The following SLC22A15 variants were observed in gnomAD, a reference collection of about 807,000 sequenced individuals.
SLC22A15 encodes the protein solute carrier family 22 member 15, also known as flipt 1.
Under a neutral mutation model 62.7 loss-of-function variants are expected in SLC22A15, and 45 were observed. The ratio of observed to expected loss-of-function variants is 0.72; its 90% confidence interval spans 0.56 to 0.92. The LOEUF is 0.92. SLC22A15 is among the 40% of genes least tolerant of loss of function. The pLI, the probability that SLC22A15 is intolerant of heterozygous loss-of-function variation, is 0.00. For missense variants in SLC22A15, 622 were observed against 665.6 expected (o/e 0.93, Z 0.72); for synonymous variants, 264 against 267.0 (o/e 0.99, Z 0.11).
chr1:116,066,990 C>T, intron 11 of SLC22A15, 29 bp from the exon 12 acceptor site: 1 of 1,551,614 alleles, frequency 6.4e-7, no homozygotes, highest in East Asian at 2.3e-5. Context: ...AACATCATTT[C>T]ACTGCCCTTT....
chr1:116,067,180 A>G lies in SLC22A15; in HGVS notation c.*72A>G. 2 of 1,143,376 alleles carry G rather than the reference A, an allele frequency of 1.7e-6. No homozygotes were observed. Among genetic ancestry groups the G allele is most frequent in the Non-Finnish European group, 2.6e-6 (2 of 772,662 alleles). 70.8% of individuals were successfully genotyped at this position (1,143,376 alleles called of 1,614,324 possible). The stretch of plus-strand genomic sequence containing the variant: ...TCTGGCTAAGGCAGGTTCTTCCATG[A>G]CTCCTAAGAGAGTTGTAAAAATAGA... On this transcript the variant is annotated 3_prime_UTR_variant, in exon 12 of 12. Transcript: ENST00000369503.
chr1:116,032,622 A>T, intron 6 of SLC22A15: 3 of 985,408 alleles, frequency 3.0e-6, no homozygotes, highest in Non-Finnish European at 1.2e-6. Flanking sequence ...GGGCCATGTT[A>T]ACCAACTGCT....
intron 1 of SLC22A15, among the ~76,000 whole-genome samples, chr1:115,989,356 T>C (rs1223448244): frequency 6.6e-6 from 1 of 152,158 alleles, no homozygotes; most frequent in African/African-American, 2.4e-5. Context: ...TATTTTTGAG[T>C]TGTTTTCTCC....
chr1:116,035,908 G>A (rs1452903315), intron 7 of SLC22A15, among the ~76,000 whole-genome samples: 1 of 152,158 alleles, frequency 6.6e-6, no homozygotes, highest in Non-Finnish European at 1.5e-5. Flanking sequence ...GTTACTTAGT[G>A]CCTGACCAGG....
At chr1:116,061,293 G>A (rs1400715471) in intron 8 of SLC22A15, among the ~76,000 whole-genome samples, 1 of 152,188 alleles carries the variant, frequency 6.6e-6, no homozygotes, top group Non-Finnish European at 1.5e-5. Context: ...AGGGGCAGTG[G>A]AGGTTGAAGG....
rs1431204086 is a variant in SLC22A15, at chr1:116,055,631, A to T, written c.1172-7131A>T. 4.0e-5 allele frequency among the ~76,000 whole-genome samples: 6 copies of T among 151,640 alleles called. No homozygotes were observed. In the East Asian group the frequency reaches 7.8e-4, roughly 20 times the overall value. ...AGAGAATTTTAGACCAATATCCTTG[A>T]TGAACATTGATGCAAAAATCCTCAG... On this transcript the variant is annotated intron_variant, in intron 8 of 11. Coordinates refer to ENST00000369503, the MANE Select transcript of SLC22A15 (RefSeq NM_018420.3).
chr1:115,989,546 C>T (rs1369693337), intron 1 of SLC22A15, among the ~76,000 whole-genome samples: 2 of 151,970 alleles, frequency 1.3e-5, no homozygotes, highest in Non-Finnish European at 2.9e-5. Context: ...TTTGGGAGGC[C>T]GAGGCAGGTG....
chr1:116,018,600 T>C (rs1004438018), intron 2 of SLC22A15, among the ~76,000 whole-genome samples: 1 of 137,142 alleles, frequency 7.3e-6, no homozygotes, highest in Non-Finnish European at 1.6e-5. Context: ...CTCCTAACCT[T>C]GTGATCTGCC....
intron 2 of SLC22A15, among the ~76,000 whole-genome samples, chr1:116,008,617 C>T (rs1203237884): frequency 6.6e-6 from 1 of 152,228 alleles, no homozygotes; most frequent in African/African-American, 2.4e-5. Context: ...TTCATTTCTT[C>T]CCCAACACAT....
At chr1:116,051,697 A>G (rs1302410027) in intron 8 of SLC22A15, among the ~76,000 whole-genome samples, 1 of 152,218 alleles carries the variant, frequency 6.6e-6, no homozygotes, top group Non-Finnish European at 1.5e-5. Context: ...TGCAATAAAA[A>G]CAAAGATAAA....
At chr1:116,066,190 T>A (rs1658492929) in intron 10 of SLC22A15, among the ~76,000 whole-genome samples, 2 of 152,192 alleles carry the variant, frequency 1.3e-5, no homozygotes, top group South Asian at 4.1e-4. Context: ...AGATGTCCTG[T>A]CAGCTCTGGC....
At chr1:116,063,470 G>A (rs577185656) in intron 9 of SLC22A15, among the ~76,000 whole-genome samples, 124 of 152,274 alleles carry the variant, frequency 8.1e-4, no homozygotes, top group African/African-American at 2.8e-3. Flanking sequence ...TGCAGCTGAG[G>A]CTTTGCAGAA....
chr1:116,058,872 C>T (rs1020036124), intron 8 of SLC22A15, among the ~76,000 whole-genome samples: 7 of 152,112 alleles, frequency 4.6e-5, no homozygotes, highest in African/African-American at 1.4e-4. Flanking sequence ...AATGGAAAAC[C>T]AAACATCGTA....
intron 6 of SLC22A15, 120 bp downstream of exon 6, chr1:116,031,701 T>G: frequency 8.1e-6 from 12 of 1,485,716 alleles, no homozygotes; most frequent in Non-Finnish European, 9.8e-6. Flanking sequence ...TTGAGGTTGT[T>G]TTCTCAACAG....
Position 115,992,228 on chromosome 1 carries a change from C to T in SLC22A15, c.285C>T (p.Thr95=). The change falls in exon 2 of 12, where the codon ACC becomes ACT. Residue 95 remains threonine (T), a synonymous_variant. Coordinates refer to ENST00000369503, the MANE Select transcript of SLC22A15 (RefSeq NM_018420.3). ...HKHVHFSSSF[T]SIASEWFLIA... is the part of the protein sequence containing the mutation. The stretch of plus-strand genomic sequence containing the variant: ...ACGTGCATTTCAGCAGCAGCTTCAC[C>T]TCCATCGCCTCGGAGGTAACAACAG... 4.4e-6 allele frequency: 7 copies of T among 1,588,508 alleles called. No homozygotes were observed. Among genetic ancestry groups the T allele is most frequent in the Non-Finnish European group, 6.0e-6 (7 of 1,167,014 alleles).
intron 2 of SLC22A15, among the ~76,000 whole-genome samples, chr1:116,004,274 T>C (rs1190506841): frequency 6.6e-6 from 1 of 152,190 alleles, no homozygotes; most frequent in Non-Finnish European, 1.5e-5. Flanking sequence ...AAGCCCCTGG[T>C]GTTTTGGTAA....
intron 4 of SLC22A15, among the ~76,000 whole-genome samples, chr1:116,026,334 C>T (rs1657088252): frequency 6.6e-6 from 1 of 151,728 alleles, no homozygotes; most frequent in Non-Finnish European, 1.5e-5. Flanking sequence ...CAGAGAATTG[C>T]TTGAACCCGG....
intron 1 of SLC22A15, among the ~76,000 whole-genome samples, chr1:115,979,081 C>G (rs1326133565): frequency 6.6e-6 from 1 of 152,032 alleles, no homozygotes; most frequent in Non-Finnish European, 1.5e-5. Flanking sequence ...ATTTTACAGG[C>G]CTTTTAACAT....
chr1:116,035,413 G>A (rs1212526272), intron 7 of SLC22A15, 86 bp downstream of exon 7: 2 of 1,190,594 alleles, frequency 1.7e-6, no homozygotes, highest in African/African-American at 1.5e-5. Context: ...ATATCTATAT[G>A]GTGTTGTCTT....
Sources: gnomAD v4.1 joint callset for allele counts (sites outside exome capture counted in the v4.1 genomes callset) on GRCh38, gnomAD v4.1.1 for gene constraint, MANE v1.5 for transcripts, NCBI Gene and HGNC (gene_info 2026-07-23, HGNC 2026-07-21) for gene names.